The following UNC13C variants were observed in gnomAD, a reference collection of about 807,000 sequenced individuals.
UNC13C encodes unc-13 homolog C, also known as protein unc-13 homolog C.
UNC13C carries 174 observed loss-of-function variants against 245.4 expected under a neutral mutation model. That is an observed-to-expected ratio of 0.71 (90% CI 0.63 to 0.80). The LOEUF (loss-of-function observed/expected upper bound fraction) is 0.80. UNC13C is among the 30% of genes least tolerant of loss of function. The pLI is 0.00. For missense variants in UNC13C, 2,829 were observed against 2,602.9 expected (o/e 1.09, Z -1.89); for synonymous variants, 992 against 895.1 (o/e 1.11, Z -1.93).
At chr15:54,623,667 G>A (rs978549612) in intron 31 of UNC13C, 128 bp from the exon 32 acceptor site, 1 of 777,158 alleles carries the variant, frequency 1.3e-6, no homozygotes, top group Non-Finnish European at 2.0e-6. Flanking sequence ...TATTGTCTTG[G>A]AGTACAGTGT....
intron 30 of UNC13C, among the ~76,000 whole-genome samples, chr15:54,621,967 G>A: frequency 6.6e-6 from 1 of 152,074 alleles, no homozygotes; most frequent in East Asian, 1.9e-4. Context: ...GGCACATTGT[G>A]GAAAAGCTCT....
intron 2 of UNC13C, among the ~76,000 whole-genome samples, chr15:54,092,170 TC>T (rs1408740327): frequency 3.3e-5 from 5 of 152,206 alleles, no homozygotes; most frequent in Non-Finnish European, 7.3e-5. Flanking sequence ...CCCAGAAGGC[TC>T]CTTAGCTGGG....
At chr15:54,589,273 A>G (rs1343301376) in intron 30 of UNC13C, among the ~76,000 whole-genome samples, 1 of 86,158 alleles carries the variant, frequency 1.2e-5, no homozygotes, top group African/African-American at 4.0e-5. Flanking sequence ...AGCCATTTGT[A>G]TATCTTCTTC....
chr15:54,458,512 G>A (rs777933568), intron 19 of UNC13C, among the ~76,000 whole-genome samples: 8 of 151,654 alleles, frequency 5.3e-5, no homozygotes, highest in Admixed American at 1.3e-4. Context: ...CTTTTATTTT[G>A]TTGCCATCTA....
intron 14 of UNC13C, among the ~76,000 whole-genome samples, chr15:54,328,360 T>C (rs2038350746): frequency 6.6e-6 from 1 of 152,150 alleles, no homozygotes. Context: ...TCTTTCTTAA[T>C]GAATTGCTGT....
intron 19 of UNC13C, among the ~76,000 whole-genome samples, chr15:54,423,583 A>G (rs908405064): frequency 6.6e-6 from 1 of 151,866 alleles, no homozygotes; most frequent in African/African-American, 2.4e-5. Flanking sequence ...GTGAATGATC[A>G]CATCTCTTGG....
chr15:54,244,370 C>T lies in UNC13C; in HGVS notation c.3229-5855C>T, dbSNP rs117818856. On this transcript the variant is annotated intron_variant, in intron 7 of 32. Transcript: ENST00000260323. ...ACCAGTACCGTGCTGTTTTGGCTAC[C>T]GTAGCCTTGTACTATAGTTCGAAGG... Among the ~76,000 whole-genome samples, 24 of 152,180 alleles carry T rather than the reference C, an allele frequency of 1.6e-4. No individual in the cohort carries two copies. In the East Asian group the frequency reaches 2.5e-3, roughly 16 times the overall value.
intron 31 of UNC13C, among the ~76,000 whole-genome samples, chr15:54,622,646 C>T (rs754473722): frequency 2.6e-4 from 40 of 152,156 alleles, no homozygotes; most frequent in Admixed American, 5.9e-4. Context: ...GATTAAATAT[C>T]CAAACTTACT....
chr15:54,326,896 C>G (rs1453482381), intron 14 of UNC13C, among the ~76,000 whole-genome samples: 5 of 151,898 alleles, frequency 3.3e-5, no homozygotes, highest in African/African-American at 1.2e-4. Flanking sequence ...ACACAGCCAT[C>G]CTTGAAATTG....
chr15:54,344,441 T>G (rs1202544210), intron 17 of UNC13C, among the ~76,000 whole-genome samples: 2 of 152,226 alleles, frequency 1.3e-5, no homozygotes, highest in African/African-American at 2.4e-5. Context: ...ATTTTCTTAC[T>G]GGTTTTATTT....
chr15:54,318,585 G>T (rs1365599779), intron 13 of UNC13C, among the ~76,000 whole-genome samples: 1 of 151,868 alleles, frequency 6.6e-6, no homozygotes, highest in South Asian at 2.1e-4. Flanking sequence ...TTGTTTTCTT[G>T]CTACTGAGTT....
At chr15:54,445,139 A>G (rs1011612485) in intron 19 of UNC13C, among the ~76,000 whole-genome samples, 7 of 152,196 alleles carry the variant, frequency 4.6e-5, no homozygotes, top group African/African-American at 1.7e-4. Context: ...TATAAAGGAC[A>G]TGAACCCATC....
At chr15:54,600,169 A>G (rs1031123153) in intron 30 of UNC13C, among the ~76,000 whole-genome samples, 2 of 152,110 alleles carry the variant, frequency 1.3e-5, no homozygotes, top group Non-Finnish European at 2.9e-5. Flanking sequence ...AGTATGGGAC[A>G]GTGAGAGAGT....
At chr15:53,843,523 A>G in the UNC13C span, among the ~76,000 whole-genome samples, 1 of 151,628 alleles carries the variant, frequency 6.6e-6, no homozygotes, top group Non-Finnish European at 1.5e-5. Flanking sequence ...TGTGTGTTTT[A>G]CTTATTTTTT....
At chr15:54,449,450 A>G (rs918384323) in intron 19 of UNC13C, among the ~76,000 whole-genome samples, 1 of 152,058 alleles carries the variant, frequency 6.6e-6, no homozygotes, top group Non-Finnish European at 1.5e-5. Context: ...ACAGTCCCAT[A>G]TTTCCTTGAG....
chr15:54,397,559 G>GA (rs1431585179), intron 18 of UNC13C, among the ~76,000 whole-genome samples: 3 of 151,330 alleles, frequency 2.0e-5, no homozygotes, highest in Non-Finnish European at 4.4e-5. Context: ...ATTTCTACAA[G>GA]AAAAAGGTCT....
At chr15:53,992,206 G>T (rs113552321) in intron 1 of UNC13C, among the ~76,000 whole-genome samples, 3 of 152,046 alleles carry the variant, frequency 2.0e-5, no homozygotes, top group Non-Finnish European at 4.4e-5. Flanking sequence ...GTTTAACCTC[G>T]TATACCTCTC....
rs59906408 is a variant in UNC13C, at chr15:54,332,824, A to G, written c.4494+713A>G. Among the ~76,000 whole-genome samples the G allele has an allele frequency of 4.1e-3, 623 of 152,178 alleles. 27 individuals carry two copies. The East Asian group carries it at 0.087, about 21-fold the overall frequency. ...CCTAAACATCTTTTCTTATTTTAAC[A>G]TATCTATCTCCCATGCATTCATTTT... On this transcript the variant is annotated intron_variant, in intron 15 of 32. Coordinates refer to ENST00000260323, the MANE Select transcript of UNC13C (RefSeq NM_001080534.3).
In UNC13C at chr15:54,014,752, A is replaced by G. The variant is rs1297227445; in HGVS notation, c.1849A>G (p.Thr617Ala). 6.2e-7 allele frequency: 1 copy of G among 1,613,884 alleles called. No individual in the cohort carries two copies. Among genetic ancestry groups the G allele is most frequent in the South Asian group, 1.1e-5 (1 of 91,082 alleles). The stretch of plus-strand genomic sequence containing the variant: ...AGGTGTTCAGGGTATCCAAGGGCAG[A>G]CTGAAACTGAAAACACAGAAACTGT... ...NGGVQGIQGQ[T>A]ETENTETVDS... The change falls in exon 2 of 33, where the codon ACT (threonine) becomes GCT (alanine). Residue 617 changes from threonine to alanine, a missense_variant. Thr to Ala is a moderately conservative substitution (Grantham distance 58). Coordinates refer to ENST00000260323, the MANE Select transcript of UNC13C (RefSeq NM_001080534.3).
Sources: gnomAD v4.1 joint callset for allele counts (sites outside exome capture counted in the v4.1 genomes callset) on GRCh38, gnomAD v4.1.1 for gene constraint, MANE v1.5 for transcripts, NCBI Gene and HGNC (gene_info 2026-07-23, HGNC 2026-07-21) for gene names.